CCDC7: variants seen among roughly 807,000 people sequenced by gnomAD.
The protein encoded by CCDC7 is coiled-coil domain containing 7.
A neutral mutation model predicts 196.9 loss-of-function variants in CCDC7; 183 were observed. The observed-to-expected ratio is 0.93, with a 90% CI of 0.82 to 1.05. The LOEUF (loss-of-function observed/expected upper bound fraction) is 1.05, where lower values mean the gene tolerates loss of function less well. CCDC7 is among the 50% of genes least tolerant of loss of function. The pLI, the probability that CCDC7 is intolerant of heterozygous loss-of-function variation, is 0.00. For synonymous variants in CCDC7, 525 were observed against 484.6 expected (o/e 1.08, Z -1.10); for missense variants, 1,540 against 1,482.2 (o/e 1.04, Z -0.64).
At chr10:32,667,575 C>T (rs1237660773) in intron 21 of CCDC7, among the ~76,000 whole-genome samples, 3 of 152,126 alleles carry the variant, frequency 2.0e-5, no homozygotes, top group East Asian at 3.9e-4. Context: ...CCAGTTTCAG[C>T]TTTCTACATA....
At chr10:32,809,946 C>T (rs904116207) in intron 30 of CCDC7, among the ~76,000 whole-genome samples, 1 of 151,786 alleles carries the variant, frequency 6.6e-6, no homozygotes, top group Admixed American at 6.6e-5. Flanking sequence ...TATTGCGGCA[C>T]TATTCACAAT....
rs1565634395 is a variant in CCDC7, at chr10:32,828,492, GAA to G, written c.3268+3889_3268+3890del. 8.6e-3 allele frequency among the ~76,000 whole-genome samples: 772 copies of G among 89,416 alleles called. 1 individual carries two copies. Among genetic ancestry groups the G allele is most frequent in the African/African-American group, 0.014 (310 of 22,778 alleles). The allele number at this position is 89,416 out of a possible 152,430, so 58.7% of individuals were successfully genotyped here. On this transcript the variant is annotated intron_variant, in intron 32 of 41. Transcript: ENST00000639629. The stretch of plus-strand genomic sequence containing the variant: ...GGAAGAGGAAGAGGAAGAGGAAGAA[GAA>G]GAAGAAGAAGAAGAAGAAGAAGAAG...
intron 13 of CCDC7, among the ~76,000 whole-genome samples, chr10:32,565,049 T>C (rs1390931575): frequency 6.6e-6 from 1 of 152,212 alleles, no homozygotes; most frequent in Non-Finnish European, 1.5e-5. Flanking sequence ...TACTTGTATT[T>C]AGTCCAGAGT....
At chr10:32,521,215 T>C (rs912221810) in intron 11 of CCDC7, among the ~76,000 whole-genome samples, 1 of 152,132 alleles carries the variant, frequency 6.6e-6, no homozygotes, top group African/African-American at 2.4e-5. Flanking sequence ...TTTTGCGATT[T>C]CATATAAATG....
intron 31 of CCDC7, among the ~76,000 whole-genome samples, chr10:32,814,720 A>G (rs11009095): frequency 0.34 from 51,853 of 152,128 alleles, 11,294 homozygotes; most frequent in Non-Finnish European, 0.49. Flanking sequence ...TTGACTCTAT[A>G]TGGTAAAAAT....
intron 21 of CCDC7, among the ~76,000 whole-genome samples, chr10:32,665,155 C>T (rs946475198): frequency 2.0e-5 from 3 of 151,870 alleles, no homozygotes; most frequent in Admixed American, 6.6e-5. Flanking sequence ...CTTTTATTTG[C>T]GTTGATTGTT....
intron 3 of CCDC7, 125 bp downstream of exon 4, chr10:32,456,459 C>T: frequency 1.4e-6 from 1 of 698,424 alleles, no homozygotes; most frequent in Non-Finnish European, 2.1e-6. Context: ...TTATAAATGG[C>T]ATTGGAAAAC....
At chr10:32,672,419 G>A (rs1244566161) in intron 21 of CCDC7, among the ~76,000 whole-genome samples, 1 of 152,120 alleles carries the variant, frequency 6.6e-6, no homozygotes, top group Non-Finnish European at 1.5e-5. Context: ...GTGTGGGTGG[G>A]TTCAATGTAG....
intron 32 of CCDC7, among the ~76,000 whole-genome samples, chr10:32,829,914 G>T (rs1194797078): frequency 6.6e-6 from 1 of 151,064 alleles, no homozygotes; most frequent in Non-Finnish European, 1.5e-5. Context: ...GAAAATACTA[G>T]ACTGGCCTGG....
intron 13 of CCDC7, among the ~76,000 whole-genome samples, chr10:32,551,150 G>T (rs3006709): frequency 0.44 from 66,612 of 151,802 alleles, 15,222 homozygotes; most frequent in East Asian, 0.58. Flanking sequence ...TTCCAGGAAT[G>T]TATCCATCTC....
chr10:32,727,794 C>G (rs146445523), intron 26 of CCDC7, among the ~76,000 whole-genome samples: 3 of 152,252 alleles, frequency 2.0e-5, no homozygotes, highest in African/African-American at 7.2e-5. Flanking sequence ...GATTTTGTCA[C>G]AGAACATATG....
intron 41 of CCDC7, among the ~76,000 whole-genome samples, chr10:32,866,930 C>T (rs1337058713): frequency 6.6e-6 from 1 of 151,456 alleles, no homozygotes; most frequent in Non-Finnish European, 1.5e-5. Context: ...TTGAGAAGGA[C>T]ACAACATTAC....
rs1410139559 is a variant in CCDC7, at chr10:32,677,289, A to G, written c.2123-8681A>G. Among the ~76,000 whole-genome samples the G allele has an allele frequency of 4.0e-5, 6 of 151,646 alleles. No homozygotes were observed. In the East Asian group the frequency reaches 5.8e-4, roughly 15 times the overall value. ...TAAATGACGAGTTAATGGGTGCAGC[A>G]CACCAGCATGGCACATGTATACATA... On this transcript the variant is annotated intron_variant, in intron 21 of 41. Transcript: ENST00000639629.
intron 13 of CCDC7, among the ~76,000 whole-genome samples, chr10:32,550,008 T>C (rs1032674370): frequency 4.5e-4 from 68 of 152,304 alleles, no homozygotes; most frequent in African/African-American, 1.5e-3. Context: ...TTTGGCAGTA[T>C]GGTCATTTTC....
At chr10:32,443,696 A>G (rs913043846), upstream of CCDC7, among the ~76,000 whole-genome samples, 17 of 152,280 alleles carry the variant, frequency 1.1e-4, no homozygotes, top group African/African-American at 4.1e-4. Flanking sequence ...CTATTTTACT[A>G]TAACTTTATA....
At chr10:32,789,545 A>G (rs928568623) in intron 29 of CCDC7, among the ~76,000 whole-genome samples, 8 of 150,962 alleles carry the variant, frequency 5.3e-5, no homozygotes. Context: ...AGAGAAAAAA[A>G]GAAAATAAAA....
chr10:32,752,715 T>C (rs1364846427), intron 28 of CCDC7, among the ~76,000 whole-genome samples: 7 of 152,160 alleles, frequency 4.6e-5, no homozygotes, highest in East Asian at 1.9e-4. Context: ...TAAAATACTC[T>C]TAATTATTTA....
intron 9 of CCDC7, among the ~76,000 whole-genome samples, chr10:32,516,519 C>A (rs2047060717): frequency 6.6e-6 from 1 of 152,128 alleles, no homozygotes; most frequent in Admixed American, 6.5e-5. Context: ...AACTCCTGAC[C>A]TCAGTTGATC....
chr10:32,500,609 G>A (rs2043835467), intron 9 of CCDC7, among the ~76,000 whole-genome samples: 2 of 152,058 alleles, frequency 1.3e-5, no homozygotes, highest in Admixed American at 6.6e-5. Context: ...ACGATGGGCG[G>A]CCAGGCAGAG....
Sources: allele counts gnomAD v4.1 joint callset (sites outside exome capture counted in the v4.1 genomes callset), GRCh38; gene constraint gnomAD v4.1.1; transcripts MANE v1.5; gene names NCBI Gene and HGNC (gene_info 2026-07-23, HGNC 2026-07-21).